CTNNA3: variants seen among roughly 807,000 people sequenced by gnomAD.
The protein encoded by CTNNA3 is catenin alpha-3.
A neutral mutation model predicts 95.7 loss-of-function variants in CTNNA3; 76 were observed. The ratio of observed to expected loss-of-function variants is 0.79; its 90% CI spans 0.66 to 0.96. The LOEUF is 0.96. Among genes scored for constraint, CTNNA3 ranks in the 40% least tolerant of loss-of-function variants. The pLI is 0.00. For missense variants in CTNNA3, 1,191 were observed against 1,089.8 expected, an observed-to-expected ratio of 1.09 and a Z score of -1.31; for synonymous variants, 431 against 374.4, an observed-to-expected ratio of 1.15 and a Z score of -1.74.
intron 9 of CTNNA3, among the ~76,000 whole-genome samples, chr10:66,759,680 C>G (rs1839525248): frequency 6.6e-6 from 1 of 152,174 alleles, no homozygotes; most frequent in African/African-American, 2.4e-5. Flanking sequence ...TAGAACTGCA[C>G]TGTCTGATAT....
intron 15 of CTNNA3, among the ~76,000 whole-genome samples, chr10:66,055,662 G>A (rs867982123): frequency 5.3e-5 from 8 of 152,044 alleles, no homozygotes; most frequent in Middle Eastern, 6.8e-3. Flanking sequence ...GATGGCTTAC[G>A]CCTGTAATAC....
intron 15 of CTNNA3, among the ~76,000 whole-genome samples, chr10:66,036,889 T>C: frequency 1.3e-5 from 1 of 78,252 alleles, no homozygotes; most frequent in East Asian, 4.3e-4. Context: ...TTTTTTTTTT[T>C]TGAGACTGAG....
At chr10:66,475,171 A>G (rs1839279725) in intron 11 of CTNNA3, among the ~76,000 whole-genome samples, 1 of 152,040 alleles carries the variant, frequency 6.6e-6, no homozygotes, top group African/African-American at 2.4e-5. Context: ...TTGGAAAAGT[A>G]CAGTCTCTTC....
At position 66,084,154 on chromosome 10, in the gene CTNNA3, A is replaced by AAAAG. The variant is rs1564627076; in HGVS notation, c.1978-14669_1978-14666dup. On this transcript the variant is annotated intron_variant, in intron 14 of 17. Transcript: ENST00000433211. Reference sequence around the variant, plus strand: ...TCATCTCAAAAAAAAAAAAGAAAAAAAAAGAAAAAGAAAAAAAGAAAAGGA... The same window carrying AAAAG: ...TCATCTCAAAAAAAAAAAAGAAAAAAAAAGAAAGAAAAAGAAAAAAAGAAAAGGA... Among the ~76,000 whole-genome samples, 30 of 141,394 alleles carry AAAAG rather than the reference A, an allele frequency of 2.1e-4. 1 individual carries two copies. Among genetic ancestry groups the AAAAG allele is most frequent in the East Asian group, 6.5e-4 (3 of 4,600 alleles). 92.8% of individuals were successfully genotyped at this position (141,394 alleles called of 152,430 possible). A position where few individuals can be genotyped will look rare whatever the true frequency, so the allele number is the denominator to read the frequency against.
chr10:66,360,784 T>C (rs372498233), intron 12 of CTNNA3, among the ~76,000 whole-genome samples: 1,310 of 52,724 alleles, frequency 0.025, 122 homozygotes, highest in African/African-American at 0.072. Context: ...TTTCTTTCTT[T>C]CTTCCTTCCT....
At chr10:66,990,076 G>C (rs1850959575) in intron 7 of CTNNA3, among the ~76,000 whole-genome samples, 1 of 152,104 alleles carries the variant, frequency 6.6e-6, no homozygotes, top group Admixed American at 6.6e-5. Context: ...CTATGAGATG[G>C]GTTGGAGAAG....
intron 5 of CTNNA3, among the ~76,000 whole-genome samples, chr10:67,514,857 G>T (rs764917900): frequency 3.3e-5 from 5 of 151,858 alleles, no homozygotes; most frequent in Non-Finnish European, 5.9e-5. Context: ...GCAAACTACT[G>T]TATAGCAAAC....
chr10:66,718,210 C>T (rs1029072381), intron 9 of CTNNA3, among the ~76,000 whole-genome samples: 1 of 151,622 alleles, frequency 6.6e-6, no homozygotes, highest in Non-Finnish European at 1.5e-5. Context: ...AACTCTTTCT[C>T]TCTGTCTCAA....
At chr10:65,989,764 A>C (rs2078501387) in intron 15 of CTNNA3, among the ~76,000 whole-genome samples, 1 of 152,098 alleles carries the variant, frequency 6.6e-6, no homozygotes, top group Admixed American at 6.5e-5. Flanking sequence ...TATTCAATAC[A>C]TTGTTTTTAA....
At position 66,569,766 on chromosome 10, in the gene CTNNA3, C is replaced by T. The variant is rs116628171; in HGVS notation, c.1375-48993G>A. ...ATTGTTTATGGCTACAAATCACCCA[C>T]GCTTGATGTGATATCTGAAAGTACC... is the stretch of plus-strand genomic sequence containing the variant. On this transcript the variant is annotated intron_variant, in intron 10 of 17. Transcript: ENST00000433211. Among the ~76,000 whole-genome samples, 815 of 152,174 alleles carry T rather than the reference C, an allele frequency of 5.4e-3. 10 individuals carry two copies. Among genetic ancestry groups the T allele is most frequent in the African/African-American group, 0.018 (752 of 41,504 alleles).
intron 7 of CTNNA3, among the ~76,000 whole-genome samples, chr10:67,040,245 A>G (rs1309879830): frequency 1.3e-5 from 2 of 152,138 alleles, no homozygotes; most frequent in African/African-American, 4.8e-5. Context: ...CTCGGTCTAC[A>G]TGTGATCCTA....
intron 1 of CTNNA3, among the ~76,000 whole-genome samples, chr10:67,708,069 A>G (rs1344971239): frequency 6.6e-6 from 1 of 152,160 alleles, no homozygotes; most frequent in African/African-American, 2.4e-5. Flanking sequence ...CATTTTAACT[A>G]TTTCAGAACA....
chr10:66,589,506 G>T (rs1049777818), intron 10 of CTNNA3, among the ~76,000 whole-genome samples: 3 of 152,090 alleles, frequency 2.0e-5, no homozygotes, highest in Non-Finnish European at 4.4e-5. Context: ...ACCCATGGTT[G>T]TTCCTCTACA....
chr10:66,436,150 T>A (rs967708868), intron 11 of CTNNA3, among the ~76,000 whole-genome samples: 1 of 152,196 alleles, frequency 6.6e-6, no homozygotes, highest in African/African-American at 2.4e-5. Context: ...ATGTATATTC[T>A]GTTGATTTGA....
intron 7 of CTNNA3, among the ~76,000 whole-genome samples, chr10:67,055,201 A>C (rs1855348934): frequency 6.6e-6 from 1 of 152,138 alleles, no homozygotes; most frequent in South Asian, 2.1e-4. Flanking sequence ...TTTCCACATA[A>C]AATGTGGCAC....
intron 7 of CTNNA3, among the ~76,000 whole-genome samples, chr10:66,983,257 C>G (rs900811951): frequency 6.6e-6 from 1 of 152,130 alleles, no homozygotes; most frequent in African/African-American, 2.4e-5. Flanking sequence ...TCCTAGCCCC[C>G]TCCCAGCCAT....
chr10:67,274,905 A>C (rs1406831412), intron 5 of CTNNA3, among the ~76,000 whole-genome samples: 1 of 152,188 alleles, frequency 6.6e-6, no homozygotes, highest in African/African-American at 2.4e-5. Context: ...AATTTAATGA[A>C]CAAATATAGA....
chr10:66,178,379 C>T (rs2085834673), intron 13 of CTNNA3, among the ~76,000 whole-genome samples: 1 of 129,140 alleles, frequency 7.7e-6, no homozygotes, highest in African/African-American at 2.8e-5. Context: ...GTACAACATA[C>T]AACTACAAAC....
chr10:67,558,487 C>T (rs1841339625), intron 3 of CTNNA3, among the ~76,000 whole-genome samples: 1 of 152,178 alleles, frequency 6.6e-6, no homozygotes, highest in Admixed American at 6.5e-5. Context: ...AAGCATGAAA[C>T]TATCTGAATG....
Sources: gnomAD v4.1 joint callset for allele counts (sites outside exome capture counted in the v4.1 genomes callset) on GRCh38, gnomAD v4.1.1 for gene constraint, MANE v1.5 for transcripts, NCBI Gene and HGNC (gene_info 2026-07-23, HGNC 2026-07-21) for gene names.